TRHR: variants seen among roughly 807,000 people sequenced by gnomAD.
TRHR encodes thyrotropin-releasing hormone receptor.
A neutral mutation model predicts 28.0 loss-of-function variants in TRHR; 14 were observed. The observed-to-expected ratio is 0.50, with a 90% CI of 0.33 to 0.78. The LOEUF (loss-of-function observed/expected upper bound fraction) is 0.78. Ranked by LOEUF, TRHR falls within the 30% of genes least tolerant of loss-of-function variation. The probability of loss-of-function intolerance (pLI) is 0.02; values close to 1 mark genes in which losing one functional copy is unlikely to be tolerated. For synonymous variants in TRHR, 176 were observed against 171.9 expected (o/e 1.02, Z -0.18); for missense variants, 438 against 469.5 (o/e 0.93, Z 0.62).
In TRHR at chr8:109,090,585, G is replaced by A. The variant is rs1393915989; in HGVS notation, c.789+2284G>A. 7.2e-5 allele frequency among the ~76,000 whole-genome samples: 11 copies of A among 152,282 alleles called. No homozygotes were observed. The South Asian group carries it at 2.3e-3, about 32-fold the overall frequency. ...AAGCCAATAGGAGTGTATTTAAGTA[G>A]TGTGTCTTGTAATTCAACCCTGATT... On this transcript the variant is annotated intron_variant, in intron 2 of 2. Transcript: ENST00000518632.
chr8:109,120,209 C>T lies in TRHR; in HGVS notation c.*754C>T, dbSNP rs532043981. On this transcript the variant is annotated 3_prime_UTR_variant, in exon 3 of 3. Coordinates refer to ENST00000518632, the MANE Select transcript of TRHR (RefSeq NM_003301.7). ...TGATGGGTGGAAAAAGGCAAAAGCC[C>T]AGATTAAGTAACTGTGAAGATACAA... Among the ~76,000 whole-genome samples the T allele has an allele frequency of 3.0e-4, 45 of 151,760 alleles. No homozygotes were observed. The highest frequency in any genetic ancestry group is 5.5e-4 in the Non-Finnish European group (37 of 67,868).
intron 2 of TRHR, among the ~76,000 whole-genome samples, chr8:109,105,921 C>T (rs945865266): frequency 3.3e-5 from 5 of 152,088 alleles, no homozygotes; most frequent in Admixed American, 3.3e-4. Flanking sequence ...AGCTTGCTGA[C>T]TCCTGAGCCA....
At chr8:109,109,342 A>C (rs1328563823) in intron 2 of TRHR, among the ~76,000 whole-genome samples, 1 of 152,126 alleles carries the variant, frequency 6.6e-6, no homozygotes, top group East Asian at 1.9e-4. Flanking sequence ...CCAATGCCTC[A>C]AAAGTGTGGC....
chr8:109,099,605 T>G (rs773409702), intron 2 of TRHR, among the ~76,000 whole-genome samples: 1 of 152,184 alleles, frequency 6.6e-6, no homozygotes, highest in Non-Finnish European at 1.5e-5. Context: ...TTGAATAAAT[T>G]TAAAGCTAAT....
At chr8:109,091,860 A>G (rs1811521433) in intron 2 of TRHR, among the ~76,000 whole-genome samples, 1 of 152,174 alleles carries the variant, frequency 6.6e-6, no homozygotes, top group Non-Finnish European at 1.5e-5. Flanking sequence ...ATAGTTTGTT[A>G]TTTTAATATA....
At chr8:109,111,206 A>G (rs1370590683) in intron 2 of TRHR, among the ~76,000 whole-genome samples, 1 of 152,184 alleles carries the variant, frequency 6.6e-6, no homozygotes, top group Non-Finnish European at 1.5e-5. Context: ...ATGTCCAGAG[A>G]TAAGTCAAAA....
intron 2 of TRHR, among the ~76,000 whole-genome samples, chr8:109,117,014 G>A (rs1261957862): frequency 6.6e-6 from 1 of 151,968 alleles, no homozygotes; most frequent in East Asian, 1.9e-4. Flanking sequence ...CTGACATTCC[G>A]TGAAAAGAGG....
chr8:109,099,216 G>T (rs1811641674), intron 2 of TRHR, among the ~76,000 whole-genome samples: 1 of 152,172 alleles, frequency 6.6e-6, no homozygotes, highest in African/African-American at 2.4e-5. Flanking sequence ...GAGTGGTCAG[G>T]ATCAGGCAAA....
At chr8:109,104,965 T>C (rs1212267526) in intron 2 of TRHR, among the ~76,000 whole-genome samples, 2 of 152,072 alleles carry the variant, frequency 1.3e-5, no homozygotes, top group East Asian at 3.9e-4. Flanking sequence ...TGAATAAATA[T>C]ATTTAATGCA....
At chr8:109,114,700 C>T (rs767400935) in intron 2 of TRHR, among the ~76,000 whole-genome samples, 25 of 152,206 alleles carry the variant, frequency 1.6e-4, no homozygotes, top group African/African-American at 3.4e-4. Flanking sequence ...ACAGTCTTCT[C>T]GTCTCTCTTT....
At chr8:109,113,868 AAG>A (rs2129929287) in intron 2 of TRHR, among the ~76,000 whole-genome samples, 1 of 152,228 alleles carries the variant, frequency 6.6e-6, no homozygotes, top group Admixed American at 6.6e-5. Flanking sequence ...AGCATGCTAG[AAG>A]AGATAACCCA....
chr8:109,120,881 C>G lies in TRHR; in HGVS notation c.*1426C>G, dbSNP rs529503665. On this transcript the variant is annotated 3_prime_UTR_variant, in exon 3 of 3. Coordinates refer to ENST00000518632, the MANE Select transcript of TRHR (RefSeq NM_003301.7). Reference sequence around the variant, plus strand: ...TTTTAATGAGTAGATCAAAAAAGTACCCATACCTTTACATGCCCGTAGGCT... The same window carrying G: ...TTTTAATGAGTAGATCAAAAAAGTAGCCATACCTTTACATGCCCGTAGGCT... Among the ~76,000 whole-genome samples, 1 of 151,656 alleles carries G rather than the reference C, an allele frequency of 6.6e-6. No homozygotes were observed. Among genetic ancestry groups the G allele is most frequent in the South Asian group, 2.1e-4 (1 of 4,812 alleles).
chr8:109,112,281 T>C (rs928928175), intron 2 of TRHR, among the ~76,000 whole-genome samples: 1 of 152,132 alleles, frequency 6.6e-6, no homozygotes, highest in East Asian at 1.9e-4. Context: ...ATTCAGAATT[T>C]TTTCTGAATC....
intron 2 of TRHR, among the ~76,000 whole-genome samples, chr8:109,116,791 A>G (rs1586196868): frequency 6.6e-6 from 1 of 151,984 alleles, no homozygotes; most frequent in African/African-American, 2.4e-5. Context: ...CACATAGTGC[A>G]CTAAATCCCT....
Position 109,088,073 on chromosome 8 carries a change from C to T in TRHR, c.561C>T (p.Tyr187=). 6.2e-7 allele frequency: 1 copy of T among 1,614,150 alleles called. No individual in the cohort carries two copies. Reference sequence around the variant, plus strand: ...GTGGCTACAAGATCTCCAGGAATTACTACTCACCTATTTACCTAATGGACT... The same window carrying T: ...GTGGCTACAAGATCTCCAGGAATTATTACTCACCTATTTACCTAATGGACT... The part of the protein sequence containing the change: ...ISCGYKISRN[Y]YSPIYLMDFG... Residue 187 remains tyrosine, a synonymous_variant, in exon 2 of 3, where the codon TAC becomes TAT. Coordinates refer to ENST00000518632, the MANE Select transcript of TRHR (RefSeq NM_003301.7).
At position 109,119,076 on chromosome 8, in the gene TRHR, T is replaced by C. The variant is rs1214630996; in HGVS notation, c.818T>C (p.Ile273Thr). ...ACCAAGATGCTGGCAGTGGTTGTAATTCTGTTTGCCCTTTTATGGATGCCC... is the reference window on the plus strand; with the variant it reads ...ACCAAGATGCTGGCAGTGGTTGTAACTCTGTTTGCCCTTTTATGGATGCCC... Reference protein sequence around the residue: ...QVTKMLAVVVILFALLWMPYR... With the variant: ...QVTKMLAVVVTLFALLWMPYR... The change falls in exon 3 of 3, where the codon ATT (isoleucine) becomes ACT (threonine). Residue 273 changes from isoleucine (I) to threonine (T), a missense_variant. Coordinates refer to ENST00000518632, the MANE Select transcript of TRHR (RefSeq NM_003301.7). 1 of 1,612,722 alleles carries C rather than the reference T, an allele frequency of 6.2e-7. No homozygotes were observed. The highest frequency in any genetic ancestry group is 8.5e-7 in the Non-Finnish European group (1 of 1,179,164).
chr8:109,117,501 A>G (rs1436232283), intron 2 of TRHR, among the ~76,000 whole-genome samples: 1 of 151,884 alleles, frequency 6.6e-6, no homozygotes, highest in Non-Finnish European at 1.5e-5. Flanking sequence ...AAATTAAACT[A>G]GGTATTTCAA....
At chr8:109,088,593 C>A (rs1213713263) in intron 2 of TRHR, among the ~76,000 whole-genome samples, 1 of 152,052 alleles carries the variant, frequency 6.6e-6, no homozygotes, top group Non-Finnish European at 1.5e-5. Context: ...TATGTTTATG[C>A]CTCTCTGGAA....
At chr8:109,088,379 T>C in intron 2 of TRHR, 78 bp downstream of exon 2, 1 of 1,499,486 alleles carries the variant, frequency 6.7e-7, no homozygotes, top group Non-Finnish European at 9.1e-7. Context: ...AACTTTTCCC[T>C]GTTTAGCTGA....
Sources: gnomAD v4.1 joint callset for allele counts (sites outside exome capture counted in the v4.1 genomes callset) on GRCh38, gnomAD v4.1.1 for gene constraint, MANE v1.5 for transcripts, NCBI Gene and HGNC (gene_info 2026-07-23, HGNC 2026-07-21) for gene names.